Variants in NELL1 observed in about 807,000 individuals in gnomAD.
NELL1 encodes the protein neural EGFL like 1.
NELL1 carries 76 observed loss-of-function variants against 107.4 expected under a neutral mutation model. That is an observed-to-expected ratio of 0.71 (90% CI 0.59 to 0.86). The LOEUF (loss-of-function observed/expected upper bound fraction) is 0.86. Ranked by LOEUF, NELL1 falls within the 40% of genes least tolerant of loss-of-function variation. The pLI is 0.00. For missense variants in NELL1, 1,024 were observed against 1,005.5 expected (o/e 1.02, Z -0.25); for synonymous variants, 353 against 341.2 (o/e 1.03, Z -0.38).
intron 3 of NELL1, among the ~76,000 whole-genome samples, chr11:20,794,713 G>C (rs1263348267): frequency 6.6e-6 from 1 of 152,194 alleles, no homozygotes; most frequent in Non-Finnish European, 1.5e-5. Flanking sequence ...ATGTTATCTA[G>C]ATGGAAATTT....
chr11:20,902,273 AC>A (rs35774460), intron 5 of NELL1, among the ~76,000 whole-genome samples: 1,675 of 149,718 alleles, frequency 0.011, 17 homozygotes, highest in Non-Finnish European at 0.016. Context: ...TCAATAAGAA[AC>A]CTTTTTTTTT....
chr11:20,891,512 A>G (rs1023012442), intron 5 of NELL1, among the ~76,000 whole-genome samples: 1 of 152,204 alleles, frequency 6.6e-6, no homozygotes, highest in African/African-American at 2.4e-5. Flanking sequence ...ACACATAACA[A>G]TACTAACCTT....
intron 17 of NELL1, among the ~76,000 whole-genome samples, chr11:21,569,778 GA>G (rs1857056825): frequency 6.6e-6 from 1 of 151,762 alleles, no homozygotes; most frequent in Non-Finnish European, 1.5e-5. Context: ...CCATAGTGAT[GA>G]ATCCAAGACT....
intron 13 of NELL1, among the ~76,000 whole-genome samples, chr11:21,189,270 T>C (rs2133833641): frequency 6.6e-6 from 1 of 152,038 alleles, no homozygotes; most frequent in East Asian, 1.9e-4. Context: ...GGCATAAGTC[T>C]CCTTCTGTTA....
rs998967295 is a variant in NELL1, at chr11:21,491,397, G to C, written c.1646-42977G>C. 7.2e-5 allele frequency among the ~76,000 whole-genome samples: 11 copies of C among 152,272 alleles called. No individual in the cohort carries two copies. The East Asian group carries it at 2.1e-3, about 29-fold the overall frequency. On this transcript the variant is annotated intron_variant, in intron 15 of 19. Transcript: ENST00000357134. ...GTATAAGGTATAAGGAAGGGATCCA[G>C]TTTCAGCTCTCTACATATGGCTAGC... is the stretch of plus-strand genomic sequence containing the variant.
At chr11:20,697,105 G>A (rs1854638845) in intron 2 of NELL1, among the ~76,000 whole-genome samples, 1 of 152,130 alleles carries the variant, frequency 6.6e-6, no homozygotes, top group Non-Finnish European at 1.5e-5. Flanking sequence ...ACCAAATTTA[G>A]CAACAAATTA....
At chr11:20,701,426 T>TA (rs997958375) in intron 2 of NELL1, among the ~76,000 whole-genome samples, 3 of 152,208 alleles carry the variant, frequency 2.0e-5, no homozygotes, top group Non-Finnish European at 2.9e-5. Flanking sequence ...GTCAGTTGGG[T>TA]AGACTGTAAA....
At chr11:21,078,131 A>G (rs138985210) in intron 12 of NELL1, among the ~76,000 whole-genome samples, 237 of 152,246 alleles carry the variant, frequency 1.6e-3, no homozygotes, top group Non-Finnish European at 2.5e-3. Flanking sequence ...GAAAAGTATA[A>G]CCTCAAAGAA....
At chr11:21,484,406 G>A (rs1854575596) in intron 15 of NELL1, among the ~76,000 whole-genome samples, 1 of 151,302 alleles carries the variant, frequency 6.6e-6, no homozygotes, top group Non-Finnish European at 1.5e-5. Flanking sequence ...TTGCTTTATG[G>A]TGCTCAACTT....
intron 14 of NELL1, among the ~76,000 whole-genome samples, chr11:21,358,341 T>A (rs2133732707): frequency 6.6e-6 from 1 of 152,226 alleles, no homozygotes; most frequent in Admixed American, 6.5e-5. Context: ...TTGTAGTTTT[T>A]CTTGTAGAGG....
chr11:21,196,801 G>A (rs1033657293), intron 13 of NELL1, among the ~76,000 whole-genome samples: 1 of 151,768 alleles, frequency 6.6e-6, no homozygotes, highest in African/African-American at 2.4e-5. Context: ...AATAGCACAG[G>A]CACTTAAGAG....
At chr11:21,127,927 T>C (rs1590661901) in intron 13 of NELL1, among the ~76,000 whole-genome samples, 1 of 152,192 alleles carries the variant, frequency 6.6e-6, no homozygotes, top group African/African-American at 2.4e-5. Context: ...TCCAGTTGCC[T>C]CTCTGTCTTC....
At chr11:21,514,804 G>A (rs1213225644) in intron 15 of NELL1, among the ~76,000 whole-genome samples, 2 of 151,776 alleles carry the variant, frequency 1.3e-5, no homozygotes, top group Non-Finnish European at 2.9e-5. Flanking sequence ...CCTGCCTTAT[G>A]GATTGAGAAA....
intron 16 of NELL1, among the ~76,000 whole-genome samples, chr11:21,556,885 C>T (rs1421791946): frequency 4.0e-5 from 6 of 151,786 alleles, no homozygotes; most frequent in East Asian, 1.9e-4. Context: ...GATTTGAGTA[C>T]GAAATACTCA....
chr11:20,708,567 A>G (rs1024857500), intron 2 of NELL1, among the ~76,000 whole-genome samples: 11 of 151,476 alleles, frequency 7.3e-5, no homozygotes, highest in Non-Finnish European at 1.5e-4. Context: ...TTTTGATGGT[A>G]TTATTTGCTT....
intron 3 of NELL1, among the ~76,000 whole-genome samples, chr11:20,794,043 A>G (rs1314671429): frequency 6.6e-6 from 1 of 152,230 alleles, no homozygotes; most frequent in Admixed American, 6.5e-5. Context: ...ACAGTCTGAG[A>G]GAAGTAGGTT....
At chr11:20,692,028 G>T (rs867080989) in intron 2 of NELL1, among the ~76,000 whole-genome samples, 1 of 150,476 alleles carries the variant, frequency 6.6e-6, no homozygotes. Context: ...TGTATGTGTC[G>T]AGGAATTTAT....
At chr11:20,866,200 G>C (rs975129022) in intron 4 of NELL1, among the ~76,000 whole-genome samples, 1 of 152,242 alleles carries the variant, frequency 6.6e-6, no homozygotes, top group African/African-American at 2.4e-5. Context: ...TTTGAGGCTA[G>C]AGCATTCAGG....
At chr11:21,384,706 T>C (rs1851698794) in intron 15 of NELL1, among the ~76,000 whole-genome samples, 1 of 151,922 alleles carries the variant, frequency 6.6e-6, no homozygotes, top group African/African-American at 2.4e-5. Context: ...GTTTGGTTTT[T>C]TGTTCTTGCG....
Sources: allele counts gnomAD v4.1 joint callset (sites outside exome capture counted in the v4.1 genomes callset), GRCh38; gene constraint gnomAD v4.1.1; transcripts MANE v1.5; gene names NCBI Gene and HGNC (gene_info 2026-07-23, HGNC 2026-07-21).